PPFIBP1: variants seen among roughly 807,000 people sequenced by gnomAD.
PPFIBP1 encodes the protein liprin-beta-1.
Under a neutral mutation model 137.8 loss-of-function variants are expected in PPFIBP1, and 112 were observed. That is an observed-to-expected ratio of 0.81 (90% CI 0.70 to 0.95). PPFIBP1 has a LOEUF of 0.95. Ranked by LOEUF, PPFIBP1 falls within the 40% of genes least tolerant of loss-of-function variation. The probability of loss-of-function intolerance (pLI) is 0.00; values close to 1 mark genes in which losing one functional copy is unlikely to be tolerated. For synonymous variants in PPFIBP1, 378 were observed against 417.3 expected (o/e 0.91, Z 1.15); for missense variants, 1,083 against 1,196.6 (o/e 0.91, Z 1.40).
chr12:27,539,561 T>C (rs1945429953), intron 1 of PPFIBP1, among the ~76,000 whole-genome samples: 1 of 152,214 alleles, frequency 6.6e-6, no homozygotes, highest in African/African-American at 2.4e-5. Context: ...GCCCTATGTT[T>C]TTCTAGCCTT....
chr12:27,691,304 A>C (rs2061527423), intron 27 of PPFIBP1, among the ~76,000 whole-genome samples: 1 of 151,976 alleles, frequency 6.6e-6, no homozygotes, highest in Non-Finnish European at 1.5e-5. Context: ...AGCCAGGTGC[A>C]GTGGCTTGTG....
intron 4 of PPFIBP1, among the ~76,000 whole-genome samples, chr12:27,639,677 A>G (rs933109986): frequency 1.3e-5 from 2 of 152,254 alleles, no homozygotes; most frequent in African/African-American, 4.8e-5. Flanking sequence ...TAAACAGGTG[A>G]AGTGAGGTGT....
chr12:27,674,045 A>C (rs111722669), intron 16 of PPFIBP1, 147 bp from the exon 17 acceptor site: 2 of 830,862 alleles, frequency 2.4e-6, no homozygotes, highest in African/African-American at 1.7e-5. Context: ...ACTTTAATAA[A>C]ACATTTTGGA....
At chr12:27,641,946 A>AAAATAAAT (rs55663709) in intron 4 of PPFIBP1, among the ~76,000 whole-genome samples, 11,213 of 147,776 alleles carry the variant, frequency 0.076, 554 homozygotes, top group Non-Finnish European at 0.11. Flanking sequence ...TGCAACTGCA[A>AAAATAAAT]AAATAAATAA....
At chr12:27,576,859 C>T (rs995684385) in intron 1 of PPFIBP1, among the ~76,000 whole-genome samples, 1 of 152,180 alleles carries the variant, frequency 6.6e-6, no homozygotes, top group African/African-American at 2.4e-5. Flanking sequence ...GCTGCACATC[C>T]ACTCACTTCT....
At position 27,628,354 on chromosome 12, in the gene PPFIBP1, T is replaced by C. The variant is rs550731626; in HGVS notation, c.-35-5008T>C. Among the ~76,000 whole-genome samples, 12 of 152,196 alleles carry C rather than the reference T, an allele frequency of 7.9e-5. 1 individual carries two copies. Among genetic ancestry groups the C allele is most frequent in the African/African-American group, 2.2e-4 (9 of 41,518 alleles). On this transcript the variant is annotated intron_variant, in intron 2 of 29. Coordinates refer to ENST00000228425, the MANE Select transcript of PPFIBP1 (RefSeq NM_003622.4). ...ACCACACCCAGCATATTTTGTACAA[T>C]TTTTTGTAGAGACAGGGTCTCACTA... is the stretch of plus-strand genomic sequence containing the variant.
At chr12:27,654,327 C>G (rs1482673765) in intron 7 of PPFIBP1, 1 of 153,058 alleles carries the variant, frequency 6.5e-6, no homozygotes, top group African/African-American at 2.4e-5. Flanking sequence ...AATGGCTTTA[C>G]TAAAGAATGT....
intron 2 of PPFIBP1, among the ~76,000 whole-genome samples, chr12:27,578,584 A>G (rs918740663): frequency 3.3e-5 from 5 of 151,034 alleles, no homozygotes; most frequent in Non-Finnish European, 5.9e-5. Context: ...AGACCATTTC[A>G]CTACCTTATC....
intron 12 of PPFIBP1, 136 bp downstream of exon 12, chr12:27,664,582 TA>T: frequency 1.5e-6 from 1 of 656,646 alleles, no homozygotes; most frequent in Non-Finnish European, 2.8e-6. Flanking sequence ...ATTGAACAAT[TA>T]GGCAACTGTA....
Position 27,682,470 on chromosome 12 carries a change from T to C in PPFIBP1, c.2130T>C (p.His710=), listed in dbSNP as rs2060932589. The change falls in exon 23 of 30, where the codon CAT becomes CAC. Residue 710 remains histidine, a synonymous_variant. Coordinates refer to ENST00000228425, the MANE Select transcript of PPFIBP1 (RefSeq NM_003622.4). The part of the protein sequence containing the change: ...QALGSEEETN[H]GKLDFNWVTR... ...TGGGATCTGAAGAAGAAACCAATCATGGGAAGCTGGATTTCAACTGGGTCA... is the reference window on the plus strand; with the variant it reads ...TGGGATCTGAAGAAGAAACCAATCACGGGAAGCTGGATTTCAACTGGGTCA... The C allele has an allele frequency of 2.5e-6, 4 of 1,613,990 alleles. No homozygotes were observed. In the South Asian group the frequency reaches 3.3e-5, roughly 13 times the overall value.
chr12:27,687,809 A>G (rs1259046730), intron 25 of PPFIBP1, among the ~76,000 whole-genome samples: 1 of 152,172 alleles, frequency 6.6e-6, no homozygotes, highest in Admixed American at 6.5e-5. Context: ...CTGGCCAAGT[A>G]TAGTGGCCAA....
chr12:27,574,620 G>A (rs1171262633), intron 1 of PPFIBP1, among the ~76,000 whole-genome samples: 4 of 152,172 alleles, frequency 2.6e-5, no homozygotes, highest in African/African-American at 9.6e-5. Context: ...TTATGCAGAG[G>A]TATATTTTAC....
chr12:27,544,708 G>A (rs978876703), intron 1 of PPFIBP1, among the ~76,000 whole-genome samples: 7 of 152,202 alleles, frequency 4.6e-5, no homozygotes, highest in Admixed American at 6.5e-5. Flanking sequence ...TCTCACGCCC[G>A]TTAGAATGGC....
At chr12:27,620,503 T>C (rs2056239727) in intron 2 of PPFIBP1, among the ~76,000 whole-genome samples, 1 of 152,246 alleles carries the variant, frequency 6.6e-6, no homozygotes. Context: ...TTTTAATCAA[T>C]GTCACTTTAT....
intron 18 of PPFIBP1, 56 bp downstream of exon 18, chr12:27,676,655 G>T (rs2060531253): frequency 7.4e-7 from 1 of 1,360,364 alleles, no homozygotes; most frequent in Middle Eastern, 1.9e-4. Context: ...GAAAAGAGCA[G>T]TGTCTTCCCT....
chr12:27,653,599 AAAAAAAAAAG>A lies in PPFIBP1; in HGVS notation c.604-1122_604-1113del, dbSNP rs1360289444. Among the ~76,000 whole-genome samples, 195 of 105,462 alleles carry A rather than the reference AAAAAAAAAAG, an allele frequency of 1.8e-3. 1 individual carries two copies. Among genetic ancestry groups the A allele is most frequent in the Middle Eastern group, 4.8e-3 (1 of 208 alleles). 69.2% of individuals were successfully genotyped at this position (105,462 alleles called of 152,430 possible). A position where few individuals can be genotyped will look rare whatever the true frequency, so the allele number is the denominator to read the frequency against. Reference sequence around the variant, plus strand: ...GAGACTCCATCTTAAAAAAAAAAAAAAAAAAAAAAGGAGAGGGAGAGAGAAGCAAAAATAT... The same window carrying A: ...GAGACTCCATCTTAAAAAAAAAAAAAGAGAGGGAGAGAGAAGCAAAAATAT... On this transcript the variant is annotated intron_variant, in intron 7 of 29. Coordinates refer to ENST00000228425, the MANE Select transcript of PPFIBP1 (RefSeq NM_003622.4).
intron 2 of PPFIBP1, among the ~76,000 whole-genome samples, chr12:27,625,391 T>A (rs1233446134): frequency 6.6e-6 from 1 of 152,182 alleles, no homozygotes; most frequent in East Asian, 1.9e-4. Context: ...TAAAGCAAAT[T>A]CCAAATGTTG....
intron 1 of PPFIBP1, among the ~76,000 whole-genome samples, chr12:27,537,898 T>C (rs1054714649): frequency 2.0e-5 from 3 of 152,120 alleles, no homozygotes; most frequent in African/African-American, 7.2e-5. Context: ...TTCTTAAGAA[T>C]GGTGTGAAGC....
chr12:27,668,264 A>G (rs1378219341), intron 13 of PPFIBP1, among the ~76,000 whole-genome samples: 2 of 152,134 alleles, frequency 1.3e-5, no homozygotes, highest in African/African-American at 4.8e-5. Flanking sequence ...TTCCTTGCGC[A>G]TAGCTTCTTG....
Sources: gnomAD v4.1 joint callset for allele counts (sites outside exome capture counted in the v4.1 genomes callset) on GRCh38, gnomAD v4.1.1 for gene constraint, MANE v1.5 for transcripts, NCBI Gene and HGNC (gene_info 2026-07-23, HGNC 2026-07-21) for gene names.